The following PRKN variants were observed in gnomAD, a reference collection of about 807,000 sequenced individuals.
The protein encoded by PRKN is parkin RBR E3 ubiquitin protein ligase, also known as E3 ubiquitin-protein ligase parkin.
PRKN carries 56 observed loss-of-function variants against 59.5 expected under a neutral mutation model. The ratio of observed to expected loss-of-function variants is 0.94; its 90% CI spans 0.76 to 1.18. The LOEUF (loss-of-function observed/expected upper bound fraction) is 1.18, where lower values mean the gene tolerates loss of function less well. PRKN is among the 50% of genes most tolerant of loss of function. The pLI is 0.00. For missense variants in PRKN, 657 were observed against 596.4 expected (o/e 1.10, Z -1.06); for synonymous variants, 250 against 222.1 (o/e 1.13, Z -1.12).
rs62436834 is a variant in PRKN at position 161,662,335 on chromosome 6, G to A, written c.872-92919C>T. Among the ~76,000 whole-genome samples, 746 of 152,224 alleles carry A rather than the reference G, an allele frequency of 4.9e-3. 4 individuals carry two copies. Among genetic ancestry groups the A allele is most frequent in the Non-Finnish European group, 7.9e-3 (540 of 68,018 alleles). ...AGGGCGTGCATCTCTTCACCCACTC[G>A]GCTGAACTTCAGCAGCTTCCACAGT... is the stretch of plus-strand genomic sequence containing the variant. On this transcript the variant is annotated intron_variant, in intron 7 of 11. Transcript: ENST00000366898.
chr6:161,890,177 A>G (rs1041359999), intron 6 of PRKN, among the ~76,000 whole-genome samples: 1 of 152,190 alleles, frequency 6.6e-6, no homozygotes, highest in Non-Finnish European at 1.5e-5. Context: ...CAGTATTCTG[A>G]GAATGTTATC....
chr6:162,648,998 A>G (rs529518802), intron 1 of PRKN, among the ~76,000 whole-genome samples: 222 of 152,302 alleles, frequency 1.5e-3, no homozygotes, highest in Middle Eastern at 3.4e-3. Flanking sequence ...ATTGTGCCTC[A>G]AGACTGCAAC....
intron 7 of PRKN, among the ~76,000 whole-genome samples, chr6:161,775,706 G>A (rs1324170283): frequency 1.1e-4 from 16 of 152,116 alleles, no homozygotes; most frequent in Admixed American, 7.8e-4. Flanking sequence ...AGCAATGTTC[G>A]AAAACCAAAA....
At chr6:162,528,062 GGA>G (rs1778357392) in intron 1 of PRKN, among the ~76,000 whole-genome samples, 1 of 96,762 alleles carries the variant, frequency 1.0e-5, no homozygotes, top group Non-Finnish European at 2.7e-5. Context: ...GGAGGTCGGG[GGA>G]GGGCGGGGGG....
In PRKN at chr6:161,468,606, A is replaced by G. The variant is rs1236416854; in HGVS notation, c.1083+80248T>C. On this transcript the variant is annotated intron_variant, in intron 9 of 11. Transcript: ENST00000366898. The surrounding 1 kb of genome is among the most constrained non-coding windows in gnomAD (Gnocchi z 5.9). ...CTATTATTTCAAATACTCATATTTC[A>G]GGAAGGCTCAGATTTAAGTGAAGGT... is the stretch of plus-strand genomic sequence containing the variant. 6.6e-6 allele frequency among the ~76,000 whole-genome samples: 1 copy of G among 152,214 alleles called. No individual in the cohort carries two copies. The highest frequency in any genetic ancestry group is 1.5e-5 in the Non-Finnish European group (1 of 68,042).
chr6:161,545,578 A>T lies in PRKN; in HGVS notation c.1083+3276T>A, dbSNP rs904479363. On this transcript the variant is annotated intron_variant, in intron 9 of 11. Transcript: ENST00000366898. The surrounding 1 kb of genome is among the most constrained non-coding windows in gnomAD (Gnocchi z 4.1). Reference sequence around the variant, plus strand: ...CCATTACACTCCTTAAACCCAGAAAAGATGGGCAGCTTACAAGGTTATACA... The same window carrying T: ...CCATTACACTCCTTAAACCCAGAAATGATGGGCAGCTTACAAGGTTATACA... The T allele has an allele frequency of 1.9e-5, 13 of 678,702 alleles. No homozygotes were observed. Among genetic ancestry groups the T allele is most frequent in the Non-Finnish European group, 3.2e-5 (12 of 375,220 alleles). 42.0% of individuals were successfully genotyped at this position (678,702 alleles called of 1,614,324 possible).
chr6:162,484,611 C>T (rs1056889390), intron 1 of PRKN, among the ~76,000 whole-genome samples: 2 of 152,186 alleles, frequency 1.3e-5, no homozygotes, highest in Non-Finnish European at 2.9e-5. Flanking sequence ...GTTTGTTAGC[C>T]TTCCGAATCA....
chr6:162,046,045 C>G (rs181288566), intron 5 of PRKN, among the ~76,000 whole-genome samples: 20 of 152,268 alleles, frequency 1.3e-4, no homozygotes, highest in African/African-American at 4.8e-4. Context: ...CTATTACTAT[C>G]TTTTCCAGTA....
chr6:161,813,901 T>A lies in PRKN; in HGVS notation c.735-27993A>T, dbSNP rs138687097. ...CTACCACTGCCCACATCTCTGCAAA[T>A]TCATCTTTGTCATTAAAGCATCTAG... On this transcript the variant is annotated intron_variant, in intron 6 of 11. Coordinates refer to ENST00000366898, the MANE Select transcript of PRKN (RefSeq NM_004562.3). Among the ~76,000 whole-genome samples, 365 of 152,326 alleles carry A rather than the reference T, an allele frequency of 2.4e-3. 2 individuals are homozygous for A. The highest frequency in any genetic ancestry group is 8.5e-3 in the African/African-American group (352 of 41,576).
At chr6:162,420,600 C>T (rs1788911893) in intron 2 of PRKN, among the ~76,000 whole-genome samples, 1 of 152,148 alleles carries the variant, frequency 6.6e-6, no homozygotes, top group Non-Finnish European at 1.5e-5. Context: ...GATTCGGATA[C>T]AGACAGCCCA....
chr6:161,455,911 A>T (rs1317447020), intron 9 of PRKN, among the ~76,000 whole-genome samples: 1 of 152,102 alleles, frequency 6.6e-6, no homozygotes, highest in Non-Finnish European at 1.5e-5. Context: ...ACATATACAC[A>T]TACTTTAACT....
intron 1 of PRKN, among the ~76,000 whole-genome samples, chr6:162,557,514 CTGTT>C (rs67961625): frequency 0.31 from 46,553 of 151,672 alleles, 7,537 homozygotes; most frequent in East Asian, 0.49. Context: ...TTTCTGTTTT[CTGTT>C]TGTTTGTTTT....
chr6:161,629,970 G>C (rs1783237642), intron 7 of PRKN, among the ~76,000 whole-genome samples: 1 of 152,140 alleles, frequency 6.6e-6, no homozygotes, highest in African/African-American at 2.4e-5. Flanking sequence ...AATGCTTTCA[G>C]GTTTTTCACT....
chr6:162,537,668 T>C (rs1303098429), intron 1 of PRKN, among the ~76,000 whole-genome samples: 1 of 152,186 alleles, frequency 6.6e-6, no homozygotes, highest in African/African-American at 2.4e-5. Context: ...TCAGACAGAA[T>C]GTGTGAAATA....
chr6:162,271,850 G>C (rs1234374069), intron 2 of PRKN, among the ~76,000 whole-genome samples: 1 of 152,154 alleles, frequency 6.6e-6, no homozygotes, highest in East Asian at 1.9e-4. Flanking sequence ...ATGAATATTT[G>C]TGATTTAGCC....
chr6:162,146,335 C>T (rs1782024837), intron 4 of PRKN, among the ~76,000 whole-genome samples: 1 of 151,950 alleles, frequency 6.6e-6, no homozygotes, highest in Non-Finnish European at 1.5e-5. Flanking sequence ...GGGGTAATAT[C>T]CAGGTTTGTT....
chr6:162,540,928 G>A (rs73591873), intron 1 of PRKN, among the ~76,000 whole-genome samples: 3,571 of 152,168 alleles, frequency 0.023, 151 homozygotes, highest in African/African-American at 0.08. Flanking sequence ...AGTCATTGAT[G>A]TCTACATGTC....
chr6:161,876,742 T>G (rs2128228523), intron 6 of PRKN, among the ~76,000 whole-genome samples: 1 of 152,286 alleles, frequency 6.6e-6, no homozygotes, highest in South Asian at 2.1e-4. Flanking sequence ...CTATTATTTT[T>G]TCTATTCTCC....
In PRKN at chr6:162,301,783, C is replaced by T. The variant is rs59133731; in HGVS notation, c.172-39018G>A. On this transcript the variant is annotated intron_variant, in intron 2 of 11. Transcript: ENST00000366898. ...ACTTCAGCAAATAAATTGGCCGGGG[C>T]GGGGGGGGGGTGCAGAATTCACTTT... Among the ~76,000 whole-genome samples the T allele has an allele frequency of 1.2e-3, 27 of 21,792 alleles. No individual in the cohort carries two copies. In the East Asian group the frequency reaches 0.029, roughly 23 times the overall value. The allele number at this position is 21,792 out of a possible 152,430, so 14.3% of individuals were successfully genotyped here.
Sources: allele counts gnomAD v4.1 joint callset (sites outside exome capture counted in the v4.1 genomes callset), GRCh38; gene constraint gnomAD v4.1.1; non-coding constraint Gnocchi (gnomAD v3.1); transcripts MANE v1.5; gene names NCBI Gene and HGNC (gene_info 2026-07-23, HGNC 2026-07-21).